FOXJ3: variants seen among roughly 807,000 people sequenced by gnomAD.
FOXJ3 encodes the protein forkhead box J3, also known as forkhead box protein J3.
Under a neutral mutation model 76.1 loss-of-function variants are expected in FOXJ3, and 22 were observed. That is an observed-to-expected ratio of 0.29 (90% CI 0.21 to 0.41). The LOEUF (loss-of-function observed/expected upper bound fraction) is 0.41, where lower values mean the gene tolerates loss of function less well. Ranked by LOEUF, FOXJ3 falls within the 10% of genes least tolerant of loss-of-function variation. FOXJ3 has a pLI of 1.00. For synonymous variants in FOXJ3, 269 were observed against 261.2 expected, an observed-to-expected ratio of 1.03 and a Z score of -0.29; for missense variants, 613 against 762.1, an observed-to-expected ratio of 0.80 and a Z score of 2.30.
At chr1:42,265,240 A>C (rs776974892) in intron 3 of FOXJ3, 51 bp from the exon 4 acceptor site, 1 of 939,634 alleles carries the variant, frequency 1.1e-6, no homozygotes, top group Admixed American at 2.5e-5. Context: ...AAAAAACATA[A>C]CCCAAATTTA....
chr1:42,315,459 T>C, intron 1 of FOXJ3: 1 of 966,156 alleles, frequency 1.0e-6, no homozygotes, highest in Non-Finnish European at 1.2e-6. Flanking sequence ...TACTAAACTG[T>C]CCAAACACCA....
intron 6 of FOXJ3, among the ~76,000 whole-genome samples, chr1:42,203,295 T>C (rs1188218479): frequency 6.6e-6 from 1 of 152,220 alleles, no homozygotes; most frequent in African/African-American, 2.4e-5. Flanking sequence ...CCCAACTGCA[T>C]GTTTAGTTAT....
chr1:42,217,147 G>A (rs961786410), intron 5 of FOXJ3, among the ~76,000 whole-genome samples: 3 of 152,046 alleles, frequency 2.0e-5, no homozygotes, highest in African/African-American at 7.2e-5. Flanking sequence ...ATAACTATTA[G>A]AACAAGATAA....
intron 3 of FOXJ3, among the ~76,000 whole-genome samples, chr1:42,265,924 A>C (rs932911096): frequency 1.8e-4 from 27 of 152,252 alleles, no homozygotes; most frequent in African/African-American, 6.5e-4. Flanking sequence ...TGTGAAAAAG[A>C]AATTTGTTCA....
chr1:42,196,565 C>T (rs748294815), intron 7 of FOXJ3, among the ~76,000 whole-genome samples: 2 of 152,162 alleles, frequency 1.3e-5, no homozygotes, highest in African/African-American at 4.8e-5. Context: ...TGGTGGCTCA[C>T]GCCTGCAATC....
At chr1:42,287,913 T>C (rs897695537) in intron 2 of FOXJ3, among the ~76,000 whole-genome samples, 4 of 151,870 alleles carry the variant, frequency 2.6e-5, no homozygotes, top group African/African-American at 9.7e-5. Flanking sequence ...CTGCAGTGAA[T>C]TGTGATCACA....
intron 5 of FOXJ3, among the ~76,000 whole-genome samples, chr1:42,215,689 T>C (rs138797137): frequency 1.1e-3 from 165 of 152,058 alleles, no homozygotes; most frequent in Middle Eastern, 0.01. Flanking sequence ...AAAATAAAGA[T>C]AGAAAAAAGC....
chr1:42,195,808 GGCTCC>G (rs1337017528), intron 7 of FOXJ3, among the ~76,000 whole-genome samples: 1 of 152,210 alleles, frequency 6.6e-6, no homozygotes, highest in East Asian at 1.9e-4. Flanking sequence ...ATAGGAAAAT[GGCTCC>G]GCCACTGGCA....
At chr1:42,199,268 G>A (rs1194839626) in intron 6 of FOXJ3, 38 bp from the exon 7 acceptor site, 1 of 1,570,294 alleles carries the variant, frequency 6.4e-7, no homozygotes, top group Non-Finnish European at 8.7e-7. Flanking sequence ...TGAATATAAG[G>A]GTACTTCTTA....
intron 11 of FOXJ3, among the ~76,000 whole-genome samples, chr1:42,182,643 G>A (rs541744616): frequency 3.9e-5 from 6 of 152,222 alleles, no homozygotes; most frequent in African/African-American, 7.2e-5. Context: ...GATTACAGGC[G>A]TGCACTACCA....
intron 4 of FOXJ3, among the ~76,000 whole-genome samples, chr1:42,249,750 G>A (rs895241862): frequency 2.0e-5 from 3 of 152,076 alleles, no homozygotes; most frequent in Admixed American, 1.3e-4. Flanking sequence ...CCTTGTAAAC[G>A]AAAAACTCAC....
intron 1 of FOXJ3, among the ~76,000 whole-genome samples, chr1:42,324,817 A>G (rs1406456991): frequency 6.6e-6 from 1 of 152,202 alleles, no homozygotes; most frequent in Non-Finnish European, 1.5e-5. Context: ...CAGGACTGGC[A>G]GTTGCTCAGA....
intron 4 of FOXJ3, among the ~76,000 whole-genome samples, chr1:42,263,916 T>C (rs1018832392): frequency 7.1e-6 from 1 of 140,774 alleles, no homozygotes; most frequent in South Asian, 2.3e-4. Context: ...AAAGAGACCA[T>C]ATGAGTAGGT....
At chr1:42,190,452 T>G (rs1323141443) in intron 9 of FOXJ3, among the ~76,000 whole-genome samples, 1 of 152,230 alleles carries the variant, frequency 6.6e-6, no homozygotes, top group Admixed American at 6.5e-5. Flanking sequence ...GGAAGAAATT[T>G]GTTAGGTGGG....
chr1:42,270,462 C>G (rs1651787404), intron 3 of FOXJ3, among the ~76,000 whole-genome samples: 2 of 152,022 alleles, frequency 1.3e-5, no homozygotes, highest in African/African-American at 4.8e-5. Flanking sequence ...AAAAAAATAC[C>G]TAACACCTAT....
At chr1:42,323,680 T>C (rs1231900507) in intron 1 of FOXJ3, 2 of 982,360 alleles carry the variant, frequency 2.0e-6, no homozygotes, top group Non-Finnish European at 2.4e-6. Flanking sequence ...TGCCTCTTAA[T>C]TACCTTTGGA....
intron 2 of FOXJ3, among the ~76,000 whole-genome samples, chr1:42,298,568 C>T (rs1193061486): frequency 6.6e-6 from 1 of 151,804 alleles, no homozygotes; most frequent in African/African-American, 2.4e-5. Context: ...TCTTGGTTAA[C>T]TTAGCTAGCA....
chr1:42,257,335 G>C (rs986017912), intron 4 of FOXJ3, among the ~76,000 whole-genome samples: 1 of 152,074 alleles, frequency 6.6e-6, no homozygotes, highest in Non-Finnish European at 1.5e-5. Context: ...CTGAAAACCA[G>C]GTGTCACTGT....
Position 42,191,493 on chromosome 1 carries a change from C to T in FOXJ3, c.1161G>A (p.Pro387=), listed in dbSNP as rs372943909. Residue 387 remains proline, a synonymous_variant, in exon 9 of 13, where the codon CCG becomes CCA. Coordinates refer to ENST00000361346, the MANE Select transcript of FOXJ3 (RefSeq NM_014947.5). ...TQPSPHPPHR[P]HGLPQHPQRS... Reference sequence around the variant, plus strand: ...GCTGCGGATGCTGCGGTAAACCATGCGGTCGATGGGGAGGATGTGGAGATG... The same window carrying T: ...GCTGCGGATGCTGCGGTAAACCATGTGGTCGATGGGGAGGATGTGGAGATG... The T allele has an allele frequency of 5.6e-6, 9 of 1,613,496 alleles. No homozygotes were observed. Among genetic ancestry groups the T allele is most frequent in the South Asian group, 2.2e-5 (2 of 91,032 alleles).
Sources: gnomAD v4.1 joint callset for allele counts (sites outside exome capture counted in the v4.1 genomes callset) on GRCh38, gnomAD v4.1.1 for gene constraint, MANE v1.5 for transcripts, NCBI Gene and HGNC (gene_info 2026-07-23, HGNC 2026-07-21) for gene names.